C8orf34: variants seen among roughly 807,000 people sequenced by gnomAD.
The protein encoded by C8orf34 is chromosome 8 open reading frame 34, also known as uncharacterized protein C8orf34.
In C8orf34, 65 loss-of-function variants were observed where a neutral mutation model predicts 68.3. The observed-to-expected ratio is 0.95, with a 90% confidence interval of 0.78 to 1.17. The LOEUF (loss-of-function observed/expected upper bound fraction) is 1.17, where lower values mean the gene tolerates loss of function less well. Among genes scored for constraint, C8orf34 ranks in the 50% most tolerant of loss-of-function variants. The probability of loss-of-function intolerance (pLI) is 0.00; values close to 1 mark genes in which losing one functional copy is unlikely to be tolerated. For missense variants in C8orf34, 664 were observed against 655.4 expected, an observed-to-expected ratio of 1.01 and a Z score of -0.14; for synonymous variants, 244 against 241.2, an observed-to-expected ratio of 1.01 and a Z score of -0.11.
chr8:68,645,315 A>G (rs1563582460), intron 8 of C8orf34, among the ~76,000 whole-genome samples: 1 of 152,288 alleles, frequency 6.6e-6, no homozygotes, highest in East Asian at 1.9e-4. Context: ...TTTTTCTCGC[A>G]TGCTGGAATA....
intron 7 of C8orf34, among the ~76,000 whole-genome samples, chr8:68,615,870 A>C (rs1424942979): frequency 1.3e-5 from 2 of 151,716 alleles, no homozygotes; most frequent in East Asian, 3.9e-4. Context: ...GAATGGTACC[A>C]GTTCCTCCTT....
chr8:68,814,508 C>T (rs1193272982), intron 12 of C8orf34, among the ~76,000 whole-genome samples: 2 of 152,196 alleles, frequency 1.3e-5, no homozygotes, highest in Admixed American at 6.5e-5. Flanking sequence ...CCAGCATCTA[C>T]CTTCCATATA....
At chr8:68,766,082 T>A (rs1473016829) in intron 10 of C8orf34, among the ~76,000 whole-genome samples, 1 of 152,182 alleles carries the variant, frequency 6.6e-6, no homozygotes, top group Non-Finnish European at 1.5e-5. Flanking sequence ...CATGCATCAG[T>A]TAGAGAAATG....
chr8:68,690,276 T>C (rs529087282), intron 8 of C8orf34, among the ~76,000 whole-genome samples: 73 of 152,126 alleles, frequency 4.8e-4, no homozygotes, highest in Admixed American at 1.2e-3. Flanking sequence ...AGGCAACATT[T>C]CACCTCTACC....
chr8:68,794,104 A>G (rs1241242245), intron 12 of C8orf34, among the ~76,000 whole-genome samples: 1 of 152,078 alleles, frequency 6.6e-6, no homozygotes, highest in Non-Finnish European at 1.5e-5. Flanking sequence ...CTTATCTGAA[A>G]TTATTGGAAC....
At chr8:68,701,966 T>A (rs147610803) in intron 8 of C8orf34, among the ~76,000 whole-genome samples, 17 of 152,132 alleles carry the variant, frequency 1.1e-4, no homozygotes, top group Non-Finnish European at 1.8e-4. Flanking sequence ...AGGGAAGGCC[T>A]TCCCCAGACA....
intron 1 of C8orf34, among the ~76,000 whole-genome samples, chr8:68,332,178 G>A (rs1805641245): frequency 6.6e-6 from 1 of 151,784 alleles, no homozygotes; most frequent in Admixed American, 6.6e-5. Context: ...ATGAGAACAA[G>A]AGATTGAAGC....
At chr8:68,387,398 G>A (rs116913536) in intron 1 of C8orf34, among the ~76,000 whole-genome samples, 1 of 152,230 alleles carries the variant, frequency 6.6e-6, no homozygotes, top group East Asian at 1.9e-4. Flanking sequence ...AAGTGGACCT[G>A]GGAAAGGAGG....
intron 8 of C8orf34, chr8:68,695,516 T>G (rs973406520): frequency 2.6e-5 from 4 of 152,142 alleles, no homozygotes; most frequent in African/African-American, 9.6e-5. Context: ...GAGAACAAAT[T>G]AACTTTGTAT....
chr8:68,548,018 A>G (rs1815943456), intron 7 of C8orf34, among the ~76,000 whole-genome samples: 1 of 151,742 alleles, frequency 6.6e-6, no homozygotes, highest in South Asian at 2.1e-4. Context: ...ATGAACTTTG[A>G]CCCTCTACGC....
intron 5 of C8orf34, among the ~76,000 whole-genome samples, chr8:68,519,889 A>T (rs1814678976): frequency 6.6e-6 from 1 of 152,208 alleles, no homozygotes; most frequent in African/African-American, 2.4e-5. Context: ...AAGTATTCTG[A>T]AGTTGTAAAT....
At chr8:68,537,033 T>C (rs1446501752) in intron 7 of C8orf34, among the ~76,000 whole-genome samples, 1 of 152,142 alleles carries the variant, frequency 6.6e-6, no homozygotes, top group Non-Finnish European at 1.5e-5. Flanking sequence ...ATTTGACACT[T>C]TCTTTCTTAT....
At chr8:68,368,415 T>A (rs191964466) in intron 1 of C8orf34, among the ~76,000 whole-genome samples, 1 of 152,130 alleles carries the variant, frequency 6.6e-6, no homozygotes, top group Non-Finnish European at 1.5e-5. Flanking sequence ...CTATTATTCA[T>A]GAAAAATATG....
At chr8:68,594,533 G>A (rs1817486484) in intron 7 of C8orf34, among the ~76,000 whole-genome samples, 2 of 152,062 alleles carry the variant, frequency 1.3e-5, no homozygotes, top group African/African-American at 4.8e-5. Context: ...GGGTACAGAT[G>A]ATCCCATCAC....
chr8:68,613,465 G>C (rs906263179), intron 7 of C8orf34, among the ~76,000 whole-genome samples: 2 of 116,660 alleles, frequency 1.7e-5, no homozygotes, highest in East Asian at 4.6e-4. Flanking sequence ...ACAGTCCCCA[G>C]AGTGTGATAT....
intron 5 of C8orf34, among the ~76,000 whole-genome samples, chr8:68,501,381 C>T (rs755330604): frequency 2.0e-5 from 3 of 152,180 alleles, no homozygotes; most frequent in Non-Finnish European, 4.4e-5. Flanking sequence ...CCCGGCTTCA[C>T]TTCCAGCCAC....
chr8:68,464,555 C>G (rs940861461), intron 3 of C8orf34, among the ~76,000 whole-genome samples: 46 of 152,142 alleles, frequency 3.0e-4, no homozygotes, highest in African/African-American at 1.1e-3. Flanking sequence ...AACTATACTA[C>G]AAGCCTACAG....
Position 68,500,247 on chromosome 8 carries a change from A to G in C8orf34, c.765+12196A>G, listed in dbSNP as rs147066778. ...TTCTGTGTTATTCTTTCCAAAGTGC[A>G]TACTTGAATATAATCATAAGGAAAC... On this transcript the variant is annotated intron_variant, in intron 5 of 13. Coordinates refer to ENST00000518698, the MANE Select transcript of C8orf34 (RefSeq NM_052958.4). Among the ~76,000 whole-genome samples the G allele has an allele frequency of 4.2e-3, 634 of 152,346 alleles. 9 individuals are homozygous for G. Among genetic ancestry groups the G allele is most frequent in the African/African-American group, 0.015 (605 of 41,592 alleles).
chr8:68,505,176 C>T (rs1813953159), intron 5 of C8orf34, among the ~76,000 whole-genome samples: 2 of 152,272 alleles, frequency 1.3e-5, no homozygotes, highest in African/African-American at 2.4e-5. Flanking sequence ...CCAATTTCTT[C>T]ACATCTTGGC....
Sources: gnomAD v4.1 joint callset for allele counts (sites outside exome capture counted in the v4.1 genomes callset) on GRCh38, gnomAD v4.1.1 for gene constraint, MANE v1.5 for transcripts, NCBI Gene and HGNC (gene_info 2026-07-23, HGNC 2026-07-21) for gene names.